RGS8: variants seen among roughly 807,000 people sequenced by gnomAD.
RGS8 encodes the protein regulator of G-protein signaling 8.
A neutral mutation model predicts 21.7 loss-of-function variants in RGS8; 8 were observed. The ratio of observed to expected loss-of-function variants is 0.37; its 90% CI spans 0.22 to 0.66. The LOEUF is 0.66. RGS8 is among the 30% of genes least tolerant of loss of function. The pLI is 0.59. For synonymous variants in RGS8, 80 were observed against 83.6 expected, an observed-to-expected ratio of 0.96 and a Z score of 0.24; for missense variants, 157 against 217.9, an observed-to-expected ratio of 0.72 and a Z score of 1.76.
chr1:182,676,255 G>T (rs12058434), upstream of RGS8, among the ~76,000 whole-genome samples: 657 of 152,296 alleles, frequency 4.3e-3, 3 homozygotes, highest in African/African-American at 0.015. Context: ...AAAAAGCCAC[G>T]AGAGTGGAGG....
the RGS8 span, among the ~76,000 whole-genome samples, chr1:182,707,546 T>A: frequency 6.6e-6 from 1 of 152,152 alleles, no homozygotes; most frequent in African/African-American, 2.4e-5. Context: ...GAAGAATCAT[T>A]CCAATAACCC....
the RGS8 span, among the ~76,000 whole-genome samples, chr1:182,709,582 A>G: frequency 6.6e-6 from 1 of 152,192 alleles, no homozygotes; most frequent in Non-Finnish European, 1.5e-5. Flanking sequence ...CTGGATAACC[A>G]CATACCAAGG....
intron 5 of RGS8, 109 bp downstream of exon 6, chr1:182,665,860 A>G (rs1344189090): frequency 1.2e-5 from 10 of 814,602 alleles, no homozygotes; most frequent in Non-Finnish European, 1.8e-5. Flanking sequence ...GGGCCCACAG[A>G]GGTCTGGAAC....
the RGS8 span, among the ~76,000 whole-genome samples, chr1:182,723,737 C>T: frequency 6.6e-6 from 1 of 152,038 alleles, no homozygotes; most frequent in Non-Finnish European, 1.5e-5. Context: ...TAATGCAGCT[C>T]AATACATCAT....
intron 5 of RGS8, among the ~76,000 whole-genome samples, chr1:182,657,804 A>T (rs1663361175): frequency 6.6e-6 from 1 of 152,218 alleles, no homozygotes; most frequent in Non-Finnish European, 1.5e-5. Flanking sequence ...ATAGACAGTG[A>T]TTGTTCAATC....
chr1:182,743,599 A>G, the RGS8 span, among the ~76,000 whole-genome samples: 27 of 152,212 alleles, frequency 1.8e-4, no homozygotes, highest in Admixed American at 1.6e-3. Context: ...ATTTCCCACT[A>G]GCTCTCTGTC....
the RGS8 span, among the ~76,000 whole-genome samples, chr1:182,743,875 C>T: frequency 6.6e-6 from 1 of 152,184 alleles, no homozygotes; most frequent in African/African-American, 2.4e-5. Flanking sequence ...CATATACACA[C>T]AAGACACATG....
At chr1:182,676,414 A>T (rs969303329), upstream of RGS8, among the ~76,000 whole-genome samples, 1 of 152,180 alleles carries the variant, frequency 6.6e-6, no homozygotes, top group Non-Finnish European at 1.5e-5. Context: ...AATCTTTTAA[A>T]AGCAATTTCC....
At chr1:182,647,626 G>A (rs1381695934) in intron 6 of RGS8, among the ~76,000 whole-genome samples, 1 of 152,124 alleles carries the variant, frequency 6.6e-6, no homozygotes, top group African/African-American at 2.4e-5. Flanking sequence ...GTAAATAATT[G>A]TAATTACTCA....
chr1:182,715,281 C>T, the RGS8 span, among the ~76,000 whole-genome samples: 1 of 152,206 alleles, frequency 6.6e-6, no homozygotes, highest in Non-Finnish European at 1.5e-5. Flanking sequence ...CTCCCAGTTT[C>T]AAAGTGATGG....
At chr1:182,745,284 G>T in the RGS8 span, among the ~76,000 whole-genome samples, 9 of 152,330 alleles carry the variant, frequency 5.9e-5, no homozygotes, top group African/African-American at 2.2e-4. Context: ...GAATAAAAGA[G>T]AAAGAGTTGA....
At chr1:182,706,878 A>T in the RGS8 span, among the ~76,000 whole-genome samples, 2 of 152,158 alleles carry the variant, frequency 1.3e-5, no homozygotes, top group South Asian at 4.1e-4. Flanking sequence ...TCTCAGTATG[A>T]ATTCATTTCA....
chr1:182,745,941 A>G, the RGS8 span, among the ~76,000 whole-genome samples: 1 of 152,186 alleles, frequency 6.6e-6, no homozygotes, highest in Non-Finnish European at 1.5e-5. Flanking sequence ...AAATTCCTCA[A>G]GTATCCTAAA....
Position 182,661,651 on chromosome 1 carries a change from A to G in RGS8, c.193+4318T>C, listed in dbSNP as rs186073451. 2.0e-5 allele frequency among the ~76,000 whole-genome samples: 3 copies of G among 152,298 alleles called. No homozygotes were observed. The East Asian group carries it at 5.8e-4, about 29-fold the overall frequency. On this transcript the variant is annotated intron_variant, in intron 5 of 6. Coordinates refer to ENST00000483095, the Ensembl canonical transcript of RGS8. The stretch of plus-strand genomic sequence containing the variant: ...TTCCACTAAAAGCTAAACAAATAAA[A>G]AAAGTTTGCATGAATCTTGTGAGAA...
chr1:182,682,275 G>A (rs1023038798), intron 1 of RGS8, among the ~76,000 whole-genome samples: 2 of 152,152 alleles, frequency 1.3e-5, no homozygotes, highest in Non-Finnish European at 1.5e-5. Context: ...GGAAGATGGA[G>A]AACAAAAAGG....
upstream of RGS8, among the ~76,000 whole-genome samples, chr1:182,674,342 G>A (rs34985499): frequency 3.6e-3 from 542 of 152,278 alleles, 9 homozygotes; most frequent in South Asian, 0.044. Context: ...TAAGTCCAAT[G>A]TTTAAAAAGA....
chr1:182,668,207 C>T (rs144743304), intron 3 of RGS8, among the ~76,000 whole-genome samples: 3 of 152,250 alleles, frequency 2.0e-5, no homozygotes, highest in Non-Finnish European at 4.4e-5. Flanking sequence ...GTTTGCTGAC[C>T]CCTCACCTTT....
chr1:182,727,302 G>C, the RGS8 span, among the ~76,000 whole-genome samples: 5 of 152,188 alleles, frequency 3.3e-5, no homozygotes, highest in East Asian at 9.6e-4. Flanking sequence ...GACCTCATGG[G>C]ACTGTTGGGA....
chr1:182,719,532 G>A, the RGS8 span, among the ~76,000 whole-genome samples: 1 of 147,648 alleles, frequency 6.8e-6, no homozygotes, highest in African/African-American at 2.5e-5. Flanking sequence ...CCAGGTTCAA[G>A]CAATCCTCCC....
Sources: gnomAD v4.1 joint callset for allele counts (sites outside exome capture counted in the v4.1 genomes callset) on GRCh38, gnomAD v4.1.1 for gene constraint, MANE v1.5 for transcripts, NCBI Gene and HGNC (gene_info 2026-07-23, HGNC 2026-07-21) for gene names.